PRELID2: variants seen among roughly 807,000 people sequenced by gnomAD.
PRELID2 encodes the protein PRELI domain-containing protein 2.
PRELID2 carries 25 observed loss-of-function variants against 28.4 expected under a neutral mutation model. That is an observed-to-expected ratio of 0.88 (90% CI 0.64 to 1.23). The LOEUF is 1.23. Among genes scored for constraint, PRELID2 ranks in the 50% most tolerant of loss-of-function variants. The probability of loss-of-function intolerance (pLI) is 0.00; values close to 1 mark genes in which losing one functional copy is unlikely to be tolerated. For synonymous variants in PRELID2, 76 were observed against 71.6 expected, an observed-to-expected ratio of 1.06 and a Z score of -0.31; for missense variants, 201 against 214.4, an observed-to-expected ratio of 0.94 and a Z score of 0.39.
At chr5:145,395,890 T>C in the PRELID2 span, among the ~76,000 whole-genome samples, 1 of 152,140 alleles carries the variant, frequency 6.6e-6, no homozygotes, top group Non-Finnish European at 1.5e-5. Context: ...CTAAGTTACC[T>C]TCTGGTGCTG....
the PRELID2 span, among the ~76,000 whole-genome samples, chr5:145,442,393 A>G: frequency 6.6e-6 from 1 of 152,046 alleles, no homozygotes; most frequent in African/African-American, 2.4e-5. Context: ...GGCTCAAAAG[A>G]TGTCATTACA....
chr5:145,607,705 G>C (rs1264155911), intron 1 of PRELID2, among the ~76,000 whole-genome samples: 1 of 152,116 alleles, frequency 6.6e-6, no homozygotes, highest in South Asian at 2.1e-4. Context: ...CAGATGGGAA[G>C]AATGTATATT....
the PRELID2 span, among the ~76,000 whole-genome samples, chr5:145,329,180 C>T: frequency 4.6e-5 from 7 of 152,094 alleles, no homozygotes; most frequent in African/African-American, 1.7e-4. Context: ...TTACTGTAGG[C>T]TTGTAGTATC....
At chr5:145,831,859 T>C (rs1176810719) in intron 1 of PRELID2, among the ~76,000 whole-genome samples, 2 of 152,218 alleles carry the variant, frequency 1.3e-5, no homozygotes, top group African/African-American at 4.8e-5. Context: ...CTAAATATTT[T>C]ATAAGAATTA....
chr5:145,758,577 G>A lies in PRELID2; in HGVS notation c.*1959C>T, dbSNP rs1363844702. Among the ~76,000 whole-genome samples, 1 of 152,072 alleles carries A rather than the reference G, an allele frequency of 6.6e-6. No individual in the cohort carries two copies. The highest frequency in any genetic ancestry group is 2.4e-5 in the African/African-American group (1 of 41,408). On this transcript the variant is annotated 3_prime_UTR_variant, in exon 7 of 7. Transcript: ENST00000683046. ...TGAGAACTCCTGCCTTCAGAGGATG[G>A]GAGTTTTTGAGTGTGAAGGGTTAAA...
At chr5:145,719,251 C>T (rs1755922844) in intron 1 of PRELID2, among the ~76,000 whole-genome samples, 1 of 151,848 alleles carries the variant, frequency 6.6e-6, no homozygotes, top group Admixed American at 6.6e-5. Context: ...AAATTAAAAT[C>T]ACCCTGAGAA....
chr5:145,629,336 G>T, intron 1 of PRELID2, among the ~76,000 whole-genome samples: 1 of 152,194 alleles, frequency 6.6e-6, no homozygotes, highest in East Asian at 1.9e-4. Context: ...AGGCAGTTTC[G>T]TTCAAGTCCT....
intron 1 of PRELID2, among the ~76,000 whole-genome samples, chr5:145,676,926 G>T (rs1754829259): frequency 6.6e-6 from 1 of 152,048 alleles, no homozygotes; most frequent in South Asian, 2.1e-4. Context: ...GAAAACCTTA[G>T]ATCGAAGGAG....
chr5:145,658,616 C>T (rs1263283088), intron 1 of PRELID2, among the ~76,000 whole-genome samples: 2 of 152,092 alleles, frequency 1.3e-5, no homozygotes, highest in Non-Finnish European at 2.9e-5. Context: ...TCTCTAGCTC[C>T]CTCTCTCGCC....
the PRELID2 span, among the ~76,000 whole-genome samples, chr5:145,398,693 GGA>G: frequency 3.3e-5 from 5 of 152,158 alleles, no homozygotes; most frequent in Admixed American, 3.3e-4. Context: ...CTGTTCACGT[GGA>G]GCTTGCATCC....
chr5:145,368,785 A>T, the PRELID2 span, among the ~76,000 whole-genome samples: 1 of 149,526 alleles, frequency 6.7e-6, no homozygotes, highest in South Asian at 2.1e-4. Context: ...AGTCTCTTTC[A>T]TTTTTTTTGT....
chr5:145,677,272 A>T (rs1754839630), intron 1 of PRELID2, among the ~76,000 whole-genome samples: 1 of 149,294 alleles, frequency 6.7e-6, no homozygotes, highest in Non-Finnish European at 1.5e-5. Flanking sequence ...CTCATGCCTC[A>T]GCCTCCTGAG....
chr5:145,450,259 T>C, the PRELID2 span, among the ~76,000 whole-genome samples: 1 of 152,094 alleles, frequency 6.6e-6, no homozygotes, highest in African/African-American at 2.4e-5. Context: ...TTTCCAGAAA[T>C]TGATAATTTA....
At position 145,743,464 on chromosome 5, in the gene PRELID2, G is replaced by A. The variant is rs142463705; in HGVS notation, n.70+21467C>T. On this transcript the variant is annotated intron_variant and non_coding_transcript_variant, in intron 1 of 2. Transcript: ENST00000510259. ...AAGAGAAAAGGAAACAACCATAATA[G>A]GCATGTGAATCCTTCACTGGCAACC... is the stretch of plus-strand genomic sequence containing the variant. Among the ~76,000 whole-genome samples, 229 of 150,950 alleles carry A rather than the reference G, an allele frequency of 1.5e-3. 1 individual carries two copies. The highest frequency in any genetic ancestry group is 5.1e-3 in the African/African-American group (209 of 41,160).
chr5:145,687,027 A>C (rs189348643), intron 1 of PRELID2, among the ~76,000 whole-genome samples: 1 of 152,312 alleles, frequency 6.6e-6, no homozygotes, highest in African/African-American at 2.4e-5. Flanking sequence ...GATGACAAAA[A>C]AGTATGAAAA....
At chr5:145,811,861 T>C (rs1753967514) in intron 4 of PRELID2, among the ~76,000 whole-genome samples, 1 of 152,164 alleles carries the variant, frequency 6.6e-6, no homozygotes, top group Non-Finnish European at 1.5e-5. Context: ...TTTCCATTAC[T>C]TCCAAAGCAA....
rs183587390 is a variant in PRELID2 at position 145,661,858 on chromosome 5, A to C, written n.70+103073T>G. Among the ~76,000 whole-genome samples the C allele has an allele frequency of 1.3e-3, 204 of 152,144 alleles. 1 individual carries two copies. Among genetic ancestry groups the C allele is most frequent in the Admixed American group, 0.011 (164 of 15,256 alleles). ...TTGAGGAAATAATATAAAAAAATAG[A>C]TTATATTTTCTCAAGAAAAGAGGGC... is the stretch of plus-strand genomic sequence containing the variant. On this transcript the variant is annotated intron_variant and non_coding_transcript_variant, in intron 1 of 2. Coordinates refer to the PRELID2 transcript ENST00000510259.
the PRELID2 span, among the ~76,000 whole-genome samples, chr5:145,442,649 G>C: frequency 6.6e-6 from 1 of 151,982 alleles, no homozygotes; most frequent in Admixed American, 6.6e-5. Flanking sequence ...ATTATGAGGT[G>C]AGATGGTTGC....
At chr5:145,656,421 T>G (rs189173552) in intron 1 of PRELID2, among the ~76,000 whole-genome samples, 1 of 152,282 alleles carries the variant, frequency 6.6e-6, no homozygotes, top group East Asian at 1.9e-4. Flanking sequence ...CAAAGGATTA[T>G]AAATCATGTT....
Sources: allele counts gnomAD v4.1 joint callset (sites outside exome capture counted in the v4.1 genomes callset), GRCh38; gene constraint gnomAD v4.1.1; transcripts MANE v1.5; gene names NCBI Gene and HGNC (gene_info 2026-07-23, HGNC 2026-07-21).